The following CFAP70 variants were observed in gnomAD, a reference collection of about 807,000 sequenced individuals.
CFAP70 encodes the protein cilia- and flagella-associated protein 70.
CFAP70 carries 81 observed loss-of-function variants against 137.6 expected under a neutral mutation model. The ratio of observed to expected loss-of-function variants is 0.59; its 90% confidence interval spans 0.49 to 0.71. The LOEUF is 0.71. Among genes scored for constraint, CFAP70 ranks in the 30% least tolerant of loss-of-function variants. The pLI, the probability that CFAP70 is intolerant of heterozygous loss-of-function variation, is 0.00. For missense variants in CFAP70, 976 were observed against 1,226.7 expected (o/e 0.80, Z 3.05); for synonymous variants, 382 against 423.6 (o/e 0.90, Z 1.20).
chr10:73,340,974 G>A (rs145676484), intron 6 of CFAP70, among the ~76,000 whole-genome samples: 19 of 152,254 alleles, frequency 1.2e-4, no homozygotes, highest in South Asian at 2.1e-4. Flanking sequence ...TCCATGGAGC[G>A]TGTAGGCCCA....
Position 73,275,478 on chromosome 10 carries a change from A to G in CFAP70, c.2641T>C (p.Tyr881His), listed in dbSNP as rs1309605959. 3 of 1,610,176 alleles carry G rather than the reference A, an allele frequency of 1.9e-6. No homozygotes were observed. Among genetic ancestry groups the G allele is most frequent in the Non-Finnish European group, 2.5e-6 (3 of 1,178,720 alleles). ...TCCATCTGGGCTGCTTGTTGAAGGT[A>G]TTCCTCTGCCTTGGCAAAGTTCTTC... The change falls in exon 22 of 27, where the codon TAC (tyrosine) becomes CAC (histidine). Residue 881 changes from tyrosine (Y) to histidine (H), a missense_variant. Coordinates refer to ENST00000310715, the Ensembl canonical transcript of CFAP70. This position sits in a 1 kb window ranked among gnomAD's most constrained non-coding sequence, Gnocchi z 4.0.
At chr10:73,355,034 A>G (rs2054560568) in intron 1 of CFAP70, among the ~76,000 whole-genome samples, 199 bp from the exon 2 acceptor site, 1 of 152,226 alleles carries the variant, frequency 6.6e-6, no homozygotes, top group Non-Finnish European at 1.5e-5. Context: ...TGGTAGCGCT[A>G]AAGATGTTTA....
At chr10:73,280,773 T>G (rs1156580295) in intron 19 of CFAP70, among the ~76,000 whole-genome samples, 2 of 152,210 alleles carry the variant, frequency 1.3e-5, no homozygotes, top group Non-Finnish European at 2.9e-5. Context: ...GTCCTCTCTC[T>G]CATTTGTGAT....
intron 19 of CFAP70, among the ~76,000 whole-genome samples, chr10:73,289,255 A>G (rs1435781474): frequency 6.6e-6 from 1 of 152,144 alleles, no homozygotes; most frequent in Non-Finnish European, 1.5e-5. Flanking sequence ...AAACTTTAGA[A>G]GCATAAATCA....
At chr10:73,341,902 T>C (rs1260893682) in intron 5 of CFAP70, among the ~76,000 whole-genome samples, 1 of 152,254 alleles carries the variant, frequency 6.6e-6, no homozygotes, top group Non-Finnish European at 1.5e-5. Flanking sequence ...CATTTCAGCA[T>C]TCCTGATGCC....
At chr10:73,327,969 A>G (rs1355791537) in intron 8 of CFAP70, among the ~76,000 whole-genome samples, 1 of 152,222 alleles carries the variant, frequency 6.6e-6, no homozygotes, top group Non-Finnish European at 1.5e-5. Context: ...GACTTTCTTC[A>G]CAGAATTGGA....
At chr10:73,301,386 C>T (rs955550576) in intron 12 of CFAP70, among the ~76,000 whole-genome samples, 5 of 152,232 alleles carry the variant, frequency 3.3e-5, no homozygotes, top group Admixed American at 6.5e-5. Context: ...AACTCCCTCC[C>T]TGCTCTCTCT....
intron 9 of CFAP70, among the ~76,000 whole-genome samples, chr10:73,313,069 AAAC>A (rs1332069265): frequency 6.6e-6 from 1 of 151,886 alleles, no homozygotes; most frequent in Admixed American, 6.6e-5. Context: ...ACTAAAAACA[AAAC>A]AAAAAGATCA....
chr10:73,328,444 C>T (rs1230189389), intron 8 of CFAP70, among the ~76,000 whole-genome samples: 2 of 150,366 alleles, frequency 1.3e-5, no homozygotes, highest in African/African-American at 2.4e-5. Context: ...GACTTCATGT[C>T]TAAAACACCA....
At chr10:73,309,726 G>A (rs973832907) in intron 12 of CFAP70, among the ~76,000 whole-genome samples, 1 of 149,640 alleles carries the variant, frequency 6.7e-6, no homozygotes, top group African/African-American at 2.5e-5. Context: ...GTGCGATCTC[G>A]GCTCACTGCA....
intron 6 of CFAP70, among the ~76,000 whole-genome samples, chr10:73,339,738 G>A (rs2053074299): frequency 6.6e-6 from 1 of 152,230 alleles, no homozygotes; most frequent in South Asian, 2.1e-4. Flanking sequence ...CAGGCATATT[G>A]CAAACGGCTT....
rs376395225 is a variant in CFAP70 at position 73,269,731 on chromosome 10, A to G, written c.2926-16T>C. ...GCTCCTCCAGCTTGACAGAAAAATG[A>G]GACATGTGAGTTAGCTTAGCTGAAA... On this transcript the variant is annotated splice_polypyrimidine_tract_variant and intron_variant, in intron 24 of 26. Transcript: ENST00000310715. 14 of 1,551,502 alleles carry G rather than the reference A, an allele frequency of 9.0e-6. No homozygotes were observed. In the African/African-American group the frequency reaches 1.8e-4, roughly 20 times the overall value.
chr10:73,296,113 G>A (rs2048529997), intron 15 of CFAP70: 1 of 152,064 alleles, frequency 6.6e-6, no homozygotes, highest in African/African-American at 2.4e-5. Flanking sequence ...TCACAGTTTT[G>A]TCACCTCTAA....
intron 21 of CFAP70, 149 bp downstream of exon 22, chr10:73,277,091 T>C: frequency 1.0e-6 from 1 of 967,840 alleles, no homozygotes; most frequent in Admixed American, 2.8e-5. Context: ...CATGTTTGGA[T>C]GTTCTTTCCA....
intron 3 of CFAP70, among the ~76,000 whole-genome samples, chr10:73,348,847 G>C (rs1426799749): frequency 2.6e-5 from 4 of 152,134 alleles, no homozygotes; most frequent in African/African-American, 9.7e-5. Flanking sequence ...CAGATCACCT[G>C]AGGTTGGGAG....
chr10:73,327,762 C>A (rs1466048392), intron 8 of CFAP70, among the ~76,000 whole-genome samples: 1 of 151,994 alleles, frequency 6.6e-6, no homozygotes, highest in Non-Finnish European at 1.5e-5. Context: ...AATAAAATAC[C>A]TAGGAATCCA....
intron 7 of CFAP70, 72 bp from the exon 9 acceptor site, chr10:73,331,348 A>T: frequency 7.8e-7 from 1 of 1,278,938 alleles, no homozygotes; most frequent in African/African-American, 1.5e-5. Flanking sequence ...TTAAAGGGAA[A>T]TATTCTCTTT....
chr10:73,354,622 C>T, intron 2 of CFAP70, 112 bp downstream of exon 2: 1 of 794,408 alleles, frequency 1.3e-6, no homozygotes, highest in East Asian at 2.7e-5. Flanking sequence ...GGCGGAATGC[C>T]ACTGCTACAT....
At chr10:73,256,902 CAAAAAAAAAAA>C (rs55805225) in intron 25 of CFAP70, among the ~76,000 whole-genome samples, 7 of 58,318 alleles carry the variant, frequency 1.2e-4, no homozygotes, top group South Asian at 4.4e-4. Flanking sequence ...GACTCCATCT[CAAAAAAAAAAA>C]AAAAAAAAAA....
Sources: gnomAD v4.1 joint callset for allele counts (sites outside exome capture counted in the v4.1 genomes callset) on GRCh38, gnomAD v4.1.1 for gene constraint, Gnocchi (gnomAD v3.1) non-coding constraint, MANE v1.5 for transcripts, NCBI Gene and HGNC (gene_info 2026-07-23, HGNC 2026-07-21) for gene names.